Variants in GFOD1 observed in about 807,000 individuals in gnomAD.
The protein encoded by GFOD1 is glucose-fructose oxidoreductase domain-containing protein 1.
Under a neutral mutation model 25.4 loss-of-function variants are expected in GFOD1, and 9 were observed. The ratio of observed to expected loss-of-function variants is 0.35; its 90% CI spans 0.21 to 0.62. GFOD1 has a LOEUF of 0.62. Among genes scored for constraint, GFOD1 ranks in the 20% least tolerant of loss-of-function variants. The probability of loss-of-function intolerance (pLI) is 0.72; values close to 1 mark genes in which losing one functional copy is unlikely to be tolerated. For synonymous variants in GFOD1, 253 were observed against 245.6 expected (o/e 1.03, Z -0.28); for missense variants, 403 against 556.9 (o/e 0.72, Z 2.78).
At chr6:13,391,974 G>A (rs1322533530) in intron 1 of GFOD1, among the ~76,000 whole-genome samples, 1 of 152,184 alleles carries the variant, frequency 6.6e-6, no homozygotes, top group Non-Finnish European at 1.5e-5. Context: ...GCCTGCCCAT[G>A]GCATAGCAGG....
At chr6:13,428,707 C>T (rs1193724209) in intron 1 of GFOD1, among the ~76,000 whole-genome samples, 2 of 152,250 alleles carry the variant, frequency 1.3e-5, no homozygotes, top group South Asian at 2.1e-4. Context: ...CCTCCCAGGG[C>T]GGGCGGCAGG....
At chr6:13,458,757 CAAAAA>C (rs5874418) in intron 1 of GFOD1, among the ~76,000 whole-genome samples, 7 of 57,240 alleles carry the variant, frequency 1.2e-4, no homozygotes, top group Admixed American at 3.6e-4. Context: ...TCCCCTTGAG[CAAAAA>C]AAAAAAAAAA....
intron 1 of GFOD1, among the ~76,000 whole-genome samples, chr6:13,415,688 T>C (rs1273467290): frequency 2.0e-5 from 3 of 152,230 alleles, no homozygotes; most frequent in African/African-American, 7.2e-5. Context: ...ACCTCTTCAA[T>C]GGTCCACTTA....
rs1483446935 is a variant in GFOD1 at position 13,487,304 on chromosome 6, C to T, written c.-414G>A. The T allele has an allele frequency of 5.5e-6, 1 of 182,010 alleles. No homozygotes were observed. Among genetic ancestry groups the T allele is most frequent in the African/African-American group, 2.4e-5 (1 of 42,496 alleles). The allele number at this position is 182,010 out of a possible 1,614,324, so 11.3% of individuals were successfully genotyped here. A position where few individuals can be genotyped will look rare whatever the true frequency, so the allele number is the denominator to read the frequency against. On this transcript the variant is annotated 5_prime_UTR_variant, in exon 1 of 2. Coordinates refer to ENST00000379287, the MANE Select transcript of GFOD1 (RefSeq NM_018988.4). The surrounding 1 kb of genome is among the most constrained non-coding windows in gnomAD (Gnocchi z 4.9). ...GCGCCGCCGCAGCCCGGGACCGGCTCTCTCCCGCGTCGTTTGCGCAGCCGG... is the reference window on the plus strand; with the variant it reads ...GCGCCGCCGCAGCCCGGGACCGGCTTTCTCCCGCGTCGTTTGCGCAGCCGG...
chr6:13,376,100 AC>A (rs1458763544), intron 1 of GFOD1, among the ~76,000 whole-genome samples: 1 of 152,108 alleles, frequency 6.6e-6, no homozygotes, highest in African/African-American at 2.4e-5. Flanking sequence ...GAACCAAGAG[AC>A]CTTCCAAGCT....
chr6:13,454,700 C>T (rs1437260206), intron 1 of GFOD1, among the ~76,000 whole-genome samples: 2 of 152,190 alleles, frequency 1.3e-5, no homozygotes, highest in Non-Finnish European at 2.9e-5. Flanking sequence ...CAGACACTTC[C>T]CACTCTCTGC....
chr6:13,358,356 C>T lies in GFOD1; in HGVS notation c.*6387G>A, dbSNP rs1434038891. ...CATATATACTCATGTTTGTAAAACA[C>T]AATAAATATATACTCGACAATGACA... On this transcript the variant is annotated 3_prime_UTR_variant, in exon 2 of 2. Transcript: ENST00000379287. The T allele has an allele frequency of 6.6e-6, 1 of 151,800 alleles. No homozygotes were observed. The highest frequency in any genetic ancestry group is 2.4e-5 in the African/African-American group (1 of 41,300). The allele number at this position is 151,800 out of a possible 1,614,324, so 9.4% of individuals were successfully genotyped here.
intron 1 of GFOD1, among the ~76,000 whole-genome samples, chr6:13,402,633 C>T (rs1479789171): frequency 1.3e-5 from 2 of 152,164 alleles, no homozygotes. Flanking sequence ...TAAGATGCTA[C>T]TTTATGCCCA....
At chr6:13,463,039 T>C (rs1333668080) in intron 1 of GFOD1, among the ~76,000 whole-genome samples, 1 of 152,172 alleles carries the variant, frequency 6.6e-6, no homozygotes, top group Non-Finnish European at 1.5e-5. Context: ...TGTCAAGAAA[T>C]ACAGGTGAGC....
At chr6:13,421,676 C>T (rs1786259371) in intron 1 of GFOD1, among the ~76,000 whole-genome samples, 1 of 152,128 alleles carries the variant, frequency 6.6e-6, no homozygotes, top group Non-Finnish European at 1.5e-5. Context: ...TTAGCCTTCC[C>T]TCCCAGAGGC....
intron 1 of GFOD1, chr6:13,486,247 T>TCCCCCCCCCCCCCCCCCCCCCCC (rs373896526): frequency 1.7e-5 from 2 of 116,338 alleles, no homozygotes; most frequent in African/African-American, 9.2e-5. Flanking sequence ...CACCCCCCCA[T>TCCCCCCCCCCCCCCCCCCCCCCC]CCCCCCCCCC....
At chr6:13,450,889 CAG>C (rs1758085485) in intron 1 of GFOD1, among the ~76,000 whole-genome samples, 2 of 152,240 alleles carry the variant, frequency 1.3e-5, no homozygotes, top group Non-Finnish European at 2.9e-5. Flanking sequence ...ACTTTGCAGG[CAG>C]GCCCTTATAA....
intron 1 of GFOD1, among the ~76,000 whole-genome samples, chr6:13,367,225 CTAAT>C (rs1284956118): frequency 2.0e-5 from 3 of 152,134 alleles, no homozygotes; most frequent in Non-Finnish European, 4.4e-5. Flanking sequence ...CAAGGTAAGT[CTAAT>C]TAAGTCTGAA....
chr6:13,436,809 T>A (rs547108059), intron 1 of GFOD1, among the ~76,000 whole-genome samples: 2 of 152,354 alleles, frequency 1.3e-5, no homozygotes, highest in African/African-American at 4.8e-5. Flanking sequence ...AAATGATTGA[T>A]GAGCTATCGG....
chr6:13,391,004 C>G (rs1402686063), intron 1 of GFOD1, among the ~76,000 whole-genome samples: 1 of 152,148 alleles, frequency 6.6e-6, no homozygotes, highest in Non-Finnish European at 1.5e-5. Flanking sequence ...TTGGTGTCCC[C>G]TACTGGCCCA....
chr6:13,426,603 G>A (rs1243091242), intron 1 of GFOD1, among the ~76,000 whole-genome samples: 4 of 152,134 alleles, frequency 2.6e-5, no homozygotes, highest in Non-Finnish European at 4.4e-5. Context: ...TCCCCTGCTG[G>A]TGTTCTGAAG....
At chr6:13,419,093 A>C (rs763960967) in intron 1 of GFOD1, among the ~76,000 whole-genome samples, 25 of 152,176 alleles carry the variant, frequency 1.6e-4, no homozygotes, top group African/African-American at 3.4e-4. Context: ...GGAGGAGAAG[A>C]AGCAGATGGT....
At chr6:13,443,097 C>T (rs963097167) in intron 1 of GFOD1, among the ~76,000 whole-genome samples, 3 of 152,130 alleles carry the variant, frequency 2.0e-5, no homozygotes, top group African/African-American at 7.2e-5. Flanking sequence ...TTCAAATCCC[C>T]ATGAATGACT....
At chr6:13,454,984 A>G (rs1406030401) in intron 1 of GFOD1, among the ~76,000 whole-genome samples, 1 of 152,216 alleles carries the variant, frequency 6.6e-6, no homozygotes, top group Non-Finnish European at 1.5e-5. Context: ...AAGACACTGT[A>G]AAGGCATTTG....
Sources: allele counts gnomAD v4.1 joint callset (sites outside exome capture counted in the v4.1 genomes callset), GRCh38; gene constraint gnomAD v4.1.1; non-coding constraint Gnocchi (gnomAD v3.1); transcripts MANE v1.5; gene names NCBI Gene and HGNC (gene_info 2026-07-23, HGNC 2026-07-21).